Variants in GMCL1 observed in about 807,000 individuals in gnomAD.
GMCL1 encodes the protein germ cell-less 1, spermatogenesis associated.
In GMCL1, 54 loss-of-function variants were observed where a neutral mutation model predicts 75.5. The ratio of observed to expected loss-of-function variants is 0.71; its 90% CI spans 0.57 to 0.90. GMCL1 has a LOEUF of 0.90. Ranked by LOEUF, GMCL1 falls within the 40% of genes least tolerant of loss-of-function variation. The pLI is 0.00. For synonymous variants in GMCL1, 210 were observed against 209.6 expected (o/e 1.00, Z -0.02); for missense variants, 537 against 622.7 (o/e 0.86, Z 1.47).
chr2:69,854,252 C>T (rs1675406468), intron 8 of GMCL1, among the ~76,000 whole-genome samples: 1 of 149,254 alleles, frequency 6.7e-6, no homozygotes, highest in Non-Finnish European at 1.5e-5. Context: ...TGGGCTCAAG[C>T]AATCTTTCCA....
At chr2:69,831,403 A>G (rs752822765) in intron 1 of GMCL1, among the ~76,000 whole-genome samples, 1 of 152,170 alleles carries the variant, frequency 6.6e-6, no homozygotes, top group Non-Finnish European at 1.5e-5. Flanking sequence ...ACTATTCAGT[A>G]ACTTTTTTAA....
intron 8 of GMCL1, among the ~76,000 whole-genome samples, chr2:69,851,193 T>G (rs1675310000): frequency 6.6e-6 from 1 of 152,196 alleles, no homozygotes; most frequent in African/African-American, 2.4e-5. Context: ...TCCCAGCACT[T>G]TGGGAGGTCA....
chr2:69,861,077 A>G (rs1675627743), intron 9 of GMCL1, among the ~76,000 whole-genome samples: 1 of 152,086 alleles, frequency 6.6e-6, no homozygotes, highest in South Asian at 2.1e-4. Context: ...TCCTGACCTC[A>G]GGTGATCCAC....
chr2:69,835,098 T>C lies in GMCL1; in HGVS notation c.261-2449T>C, dbSNP rs151023645. Reference sequence around the variant, plus strand: ...ATAACCAACTTCGTAGTCTTCTTACTCAAAGAAGAGGTACCTTGGAAATAG... The same window carrying C: ...ATAACCAACTTCGTAGTCTTCTTACCCAAAGAAGAGGTACCTTGGAAATAG... On this transcript the variant is annotated intron_variant, in intron 1 of 13. Transcript: ENST00000282570. Among the ~76,000 whole-genome samples the C allele has an allele frequency of 2.2e-3, 333 of 152,198 alleles. 1 individual carries two copies. The highest frequency in any genetic ancestry group is 7.4e-3 in the African/African-American group (307 of 41,504).
intron 2 of GMCL1, among the ~76,000 whole-genome samples, chr2:69,838,336 C>CAA (rs71397366): frequency 0.26 from 8,275 of 31,362 alleles, 1,877 homozygotes; most frequent in Admixed American, 0.33. Flanking sequence ...GACTCTGTCT[C>CAA]AAAAAAAAAA....
rs1452154984 is a variant in GMCL1 at position 69,839,809 on chromosome 2, TAGGATGG to T, written c.481+261_481+267del. Reference sequence around the variant, plus strand: ...ATGCCCACCTGGGATATGGAAGATGTAGGATGGAGGAAGGAAAAGTATGACCATTTTT... The same window carrying T: ...ATGCCCACCTGGGATATGGAAGATGTAGGAAGGAAAAGTATGACCATTTTT... On this transcript the variant is annotated intron_variant, in intron 3 of 13. Coordinates refer to ENST00000282570, the MANE Select transcript of GMCL1 (RefSeq NM_178439.5). Among the ~76,000 whole-genome samples, 4 of 151,168 alleles carry T rather than the reference TAGGATGG, an allele frequency of 2.6e-5. No homozygotes were observed. The Admixed American group carries it at 2.7e-4, about 10-fold the overall frequency.
chr2:69,877,105 A>G (rs1573378547), intron 13 of GMCL1, among the ~76,000 whole-genome samples: 2 of 152,220 alleles, frequency 1.3e-5, no homozygotes, highest in Non-Finnish European at 2.9e-5. Context: ...TGCTGCTGCT[A>G]TATGTGGGCT....
chr2:69,856,668 T>A (rs894296696), intron 9 of GMCL1, among the ~76,000 whole-genome samples: 90 of 109,932 alleles, frequency 8.2e-4, no homozygotes, highest in East Asian at 6.8e-3. Flanking sequence ...TTTTTTTTTT[T>A]AACTTCCAGA....
intron 4 of GMCL1, 87 bp downstream of exon 4, chr2:69,841,126 C>CT (rs3836157): frequency 1.3e-6 from 1 of 770,420 alleles, no homozygotes; most frequent in Non-Finnish European, 2.1e-6. Flanking sequence ...TAAAGCTTAG[C>CT]TTTTTTGGAG....
chr2:69,871,211 A>G (rs546370769), intron 12 of GMCL1, among the ~76,000 whole-genome samples: 1 of 152,224 alleles, frequency 6.6e-6, no homozygotes, highest in African/African-American at 2.4e-5. Context: ...GCAAATTCTC[A>G]TACATGCTAA....
At chr2:69,867,524 A>G (rs1163782003) in intron 11 of GMCL1, among the ~76,000 whole-genome samples, 5 of 152,088 alleles carry the variant, frequency 3.3e-5, no homozygotes, top group Non-Finnish European at 4.4e-5. Flanking sequence ...TATACAATAC[A>G]TTGTTTTTAC....
chr2:69,869,832 C>G lies in GMCL1; in HGVS notation c.1332C>G (p.Val444=), dbSNP rs1216685018. Residue 444 remains valine (V), a synonymous_variant, in exon 12 of 14, where the codon GTC becomes GTG. Transcript: ENST00000282570. The part of the protein sequence containing the change: ...NTLNQPCSGS[V]SLQPRRSIAF... ...TGAATCAGCCATGTAGCGGATCTGTCAGTTTACAGCCTCGAAGGAGCATAG... is the reference window on the plus strand; with the variant it reads ...TGAATCAGCCATGTAGCGGATCTGTGAGTTTACAGCCTCGAAGGAGCATAG... The G allele has an allele frequency of 2.5e-6, 4 of 1,613,816 alleles. No individual in the cohort carries two copies. Among genetic ancestry groups the G allele is most frequent in the African/African-American group, 2.7e-5 (2 of 74,854 alleles).
intron 13 of GMCL1, among the ~76,000 whole-genome samples, chr2:69,872,514 G>C (rs1263837073): frequency 6.6e-6 from 1 of 152,178 alleles, no homozygotes; most frequent in African/African-American, 2.4e-5. Flanking sequence ...TAAATTATGA[G>C]AAGTTAGTAG....
rs1209345715 is a variant in GMCL1 at position 69,881,186 on chromosome 2, G to T, written c.*2182G>T. 6.6e-6 allele frequency: 1 copy of T among 152,134 alleles called. No homozygotes were observed. The highest frequency in any genetic ancestry group is 1.5e-5 in the Non-Finnish European group (1 of 68,016). The allele number at this position is 152,134 out of a possible 1,614,324, so 9.4% of individuals were successfully genotyped here. A position where few individuals can be genotyped will look rare whatever the true frequency, so the allele number is the denominator to read the frequency against. Reference sequence around the variant, plus strand: ...AAGTTGCTTATGTCATCCATAGACAGGATAATTCTTTCTTCAATCACAAGT... The same window carrying T: ...AAGTTGCTTATGTCATCCATAGACATGATAATTCTTTCTTCAATCACAAGT... On this transcript the variant is annotated 3_prime_UTR_variant, in exon 14 of 14. Coordinates refer to ENST00000282570, the MANE Select transcript of GMCL1 (RefSeq NM_178439.5).
At chr2:69,839,407 G>A in intron 2 of GMCL1, 50 bp from the exon 3 acceptor site, 2 of 1,103,858 alleles carry the variant, frequency 1.8e-6, no homozygotes, top group Non-Finnish European at 2.7e-6. Flanking sequence ...CAAATAATTT[G>A]GAAGACACAG....
Position 69,837,681 on chromosome 2 carries a change from T to C in GMCL1, c.384+11T>C. On this transcript the variant is annotated intron_variant, in intron 2 of 13. Transcript: ENST00000282570. ...ATATATTTATGTCAAGTAAGTATTTTTTCTATTTGAGTAACAGGGTAGTCA... is the reference window on the plus strand; with the variant it reads ...ATATATTTATGTCAAGTAAGTATTTCTTCTATTTGAGTAACAGGGTAGTCA... 6.3e-7 allele frequency: 1 copy of C among 1,592,914 alleles called. No homozygotes were observed. The highest frequency in any genetic ancestry group is 8.5e-7 in the Non-Finnish European group (1 of 1,174,130).
At chr2:69,861,394 G>T in intron 10 of GMCL1, 47 bp downstream of exon 10, 1 of 1,266,592 alleles carries the variant, frequency 7.9e-7, no homozygotes, top group Non-Finnish European at 1.1e-6. Context: ...AATTTGCTAT[G>T]AATTTTTTAA....
At chr2:69,832,571 C>CG (rs1674705434) in intron 1 of GMCL1, among the ~76,000 whole-genome samples, 2 of 152,330 alleles carry the variant, frequency 1.3e-5, no homozygotes, top group Admixed American at 6.5e-5. Flanking sequence ...GTGTATCCAT[C>CG]AGCCACTTTC....
chr2:69,839,439 C>CTTTTTTTTTTTTT lies in GMCL1; in HGVS notation c.385-8_385-7insTTTTTTTTTTTTT. ...ACAGAAAGTACTTGATAATCGTTGACTTTTTTTTTTGTTTAAGTCTGGCTA... is the reference window on the plus strand; with the variant it reads ...ACAGAAAGTACTTGATAATCGTTGACTTTTTTTTTTTTTTTTTTTTTTTGTTTAAGTCTGGCTA... On this transcript the variant is annotated splice_polypyrimidine_tract_variant and intron_variant, in intron 2 of 13. Coordinates refer to ENST00000282570, the MANE Select transcript of GMCL1 (RefSeq NM_178439.5). 4 of 1,330,832 alleles carry CTTTTTTTTTTTTT rather than the reference C, an allele frequency of 3.0e-6. No homozygotes were observed. The highest frequency in any genetic ancestry group is 3.1e-6 in the Non-Finnish European group (3 of 964,410). The allele number at this position is 1,330,832 out of a possible 1,614,324, so 82.4% of individuals were successfully genotyped here. A position where few individuals can be genotyped will look rare whatever the true frequency, so the allele number is the denominator to read the frequency against.
Sources: allele counts gnomAD v4.1 joint callset (sites outside exome capture counted in the v4.1 genomes callset), GRCh38; gene constraint gnomAD v4.1.1; transcripts MANE v1.5; gene names NCBI Gene and HGNC (gene_info 2026-07-23, HGNC 2026-07-21).